INPP4B: variants seen among roughly 807,000 people sequenced by gnomAD.
The protein encoded by INPP4B is inositol polyphosphate 4-phosphatase type II.
Under a neutral mutation model 122.5 loss-of-function variants are expected in INPP4B, and 55 were observed. The observed-to-expected ratio is 0.45, with a 90% CI of 0.36 to 0.56. The LOEUF is 0.56. Ranked by LOEUF, INPP4B falls within the 20% of genes least tolerant of loss-of-function variation. The pLI, the probability that INPP4B is intolerant of heterozygous loss-of-function variation, is 0.00. For synonymous variants in INPP4B, 403 were observed against 388.7 expected (o/e 1.04, Z -0.43); for missense variants, 1,000 against 1,097.7 (o/e 0.91, Z 1.26).
chr4:142,130,714 G>A (rs1186843326), intron 18 of INPP4B, among the ~76,000 whole-genome samples: 1 of 152,148 alleles, frequency 6.6e-6, no homozygotes, highest in Non-Finnish European at 1.5e-5. Flanking sequence ...TCAGTGTAAT[G>A]TCCACTGAAC....
rs1028146878 is a variant in INPP4B, at chr4:142,238,630, A to G, written c.689-619T>C. Among the ~76,000 whole-genome samples, 8 of 152,138 alleles carry G rather than the reference A, an allele frequency of 5.3e-5. 1 individual carries two copies. Among genetic ancestry groups the G allele is most frequent in the African/African-American group, 1.9e-4 (8 of 41,466 alleles). On this transcript the variant is annotated intron_variant, in intron 11 of 25. Coordinates refer to ENST00000262992, the MANE Select transcript of INPP4B (RefSeq NM_001101669.3). ...AGCATACTTTAGTGCCAATGAGTCA[A>G]TAACACACTTTTCTGAAACCATGTA...
chr4:142,234,547 T>A lies in INPP4B; in HGVS notation c.836+3317A>T, dbSNP rs571799364. ...CCCTTTGAGTCTCCAGGAAGAATTT[T>A]AAAAATCTCCTTTTCGTTATAAAAT... On this transcript the variant is annotated intron_variant, in intron 12 of 25. Coordinates refer to ENST00000262992, the MANE Select transcript of INPP4B (RefSeq NM_001101669.3). Among the ~76,000 whole-genome samples, 10 of 152,302 alleles carry A rather than the reference T, an allele frequency of 6.6e-5. No homozygotes were observed. The East Asian group carries it at 1.5e-3, about 24-fold the overall frequency.
At chr4:142,080,585 A>G (rs1561047970) in intron 25 of INPP4B, among the ~76,000 whole-genome samples, 5 of 152,146 alleles carry the variant, frequency 3.3e-5, no homozygotes, top group Non-Finnish European at 7.4e-5. Context: ...TGTCCATCAT[A>G]GGCAATACCA....
Position 142,546,557 on chromosome 4 carries a change from T to C in INPP4B, c.-190-83831A>G, listed in dbSNP as rs1829669859. ...GAATCCCAGGTTCTTTGTCTTGATA[T>C]GCCACTAATAAGTTAGGAGAATTAT... On this transcript the variant is annotated intron_variant, in intron 2 of 25. Coordinates refer to ENST00000262992, the MANE Select transcript of INPP4B (RefSeq NM_001101669.3). 2.6e-5 allele frequency among the ~76,000 whole-genome samples: 4 copies of C among 152,150 alleles called. No individual in the cohort carries two copies. The South Asian group carries it at 8.3e-4, about 32-fold the overall frequency.
At chr4:142,291,314 T>C (rs961983669) in intron 9 of INPP4B, among the ~76,000 whole-genome samples, 1 of 152,202 alleles carries the variant, frequency 6.6e-6, no homozygotes, top group Non-Finnish European at 1.5e-5. Context: ...AGAGATGACA[T>C]AATTGACGTA....
chr4:142,352,094 T>C (rs1782090396), intron 7 of INPP4B, among the ~76,000 whole-genome samples: 1 of 151,942 alleles, frequency 6.6e-6, no homozygotes, highest in South Asian at 2.1e-4. Flanking sequence ...TTTCCAGACA[T>C]GAGCTTTCTT....
chr4:142,237,898 A>G lies in INPP4B; in HGVS notation c.802T>C (p.Leu268=), dbSNP rs201959514. ...TCTTCTTTAATGTGAAGGGAAATCA[A>G]TTCCTTAGGAATATGAAAGGAAAGA... is the stretch of plus-strand genomic sequence containing the variant. ...SILSFHIPKE[L]ISLHIKEDLC... The change falls in exon 12 of 26, where the codon TTG becomes CTG. Residue 268 remains leucine, a synonymous_variant. Transcript: ENST00000262992. 1.1e-4 allele frequency: 176 copies of G among 1,574,998 alleles called. No individual in the cohort carries two copies. Among genetic ancestry groups the G allele is most frequent in the Non-Finnish European group, 1.4e-4 (161 of 1,149,552 alleles).
At chr4:142,095,332 G>A (rs1781357950) in intron 23 of INPP4B, among the ~76,000 whole-genome samples, 1 of 152,178 alleles carries the variant, frequency 6.6e-6, no homozygotes, top group Admixed American at 6.5e-5. Context: ...ATGCCAAATA[G>A]CTGAGTGAAT....
chr4:142,525,097 GACAA>G (rs1343319425), intron 2 of INPP4B, among the ~76,000 whole-genome samples: 1 of 149,886 alleles, frequency 6.7e-6, no homozygotes, highest in Non-Finnish European at 1.5e-5. Flanking sequence ...ACCAATAACA[GACAA>G]ACAGAGAGCC....
chr4:142,692,936 T>TAGATAGAC (rs934213027), intron 2 of INPP4B, among the ~76,000 whole-genome samples: 8 of 150,162 alleles, frequency 5.3e-5, no homozygotes, highest in African/African-American at 2.0e-4. Context: ...GATAGATAGA[T>TAGATAGAC]ACATAGATAC....
chr4:142,759,631 A>C (rs1485800120), intron 1 of INPP4B, among the ~76,000 whole-genome samples: 1 of 151,956 alleles, frequency 6.6e-6, no homozygotes, highest in Non-Finnish European at 1.5e-5. Flanking sequence ...CTAAGTTCTA[A>C]AATTCACTCC....
At chr4:142,111,061 CAAAT>C (rs1276816234) in intron 22 of INPP4B, among the ~76,000 whole-genome samples, 1 of 151,966 alleles carries the variant, frequency 6.6e-6, no homozygotes, top group Non-Finnish European at 1.5e-5. Flanking sequence ...TTTGCTGAGA[CAAAT>C]ATATATATAG....
intron 15 of INPP4B, among the ~76,000 whole-genome samples, chr4:142,177,759 T>C (rs1384906239): frequency 6.6e-6 from 1 of 152,152 alleles, no homozygotes; most frequent in East Asian, 1.9e-4. Flanking sequence ...TGTCATATTT[T>C]GGAGATGTGA....
At chr4:142,087,759 A>G (rs1777542977) in intron 23 of INPP4B, among the ~76,000 whole-genome samples, 1 of 152,212 alleles carries the variant, frequency 6.6e-6, no homozygotes, top group Non-Finnish European at 1.5e-5. Context: ...AAAATAATAT[A>G]TCTGAATAGT....
intron 2 of INPP4B, among the ~76,000 whole-genome samples, chr4:142,707,616 C>T (rs1397292459): frequency 6.6e-6 from 1 of 152,238 alleles, no homozygotes; most frequent in Admixed American, 6.5e-5. Context: ...TACCTCCTTC[C>T]TCTTGGCCTT....
intron 2 of INPP4B, among the ~76,000 whole-genome samples, chr4:142,594,296 A>G (rs1738198907): frequency 6.6e-6 from 1 of 152,152 alleles, no homozygotes; most frequent in African/African-American, 2.4e-5. Flanking sequence ...ACTGAGGCAA[A>G]GTAAAGAACA....
At chr4:142,115,418 T>A (rs1384231383) in intron 21 of INPP4B, among the ~76,000 whole-genome samples, 2 of 152,086 alleles carry the variant, frequency 1.3e-5, no homozygotes, top group East Asian at 1.9e-4. Flanking sequence ...AGAGAAAGAT[T>A]GGGTTACCCA....
chr4:142,682,775 A>G (rs1328935952), intron 2 of INPP4B, among the ~76,000 whole-genome samples: 1 of 151,980 alleles, frequency 6.6e-6, no homozygotes, highest in African/African-American at 2.4e-5. Flanking sequence ...ATCCTCAAAA[A>G]GAAGAGTATT....
chr4:142,652,041 C>T (rs1753083613), intron 2 of INPP4B, among the ~76,000 whole-genome samples: 1 of 152,188 alleles, frequency 6.6e-6, no homozygotes, highest in East Asian at 1.9e-4. Flanking sequence ...TCAGCTTCAT[C>T]CCTGGTATCC....
Sources: gnomAD v4.1 joint callset for allele counts (sites outside exome capture counted in the v4.1 genomes callset) on GRCh38, gnomAD v4.1.1 for gene constraint, MANE v1.5 for transcripts, NCBI Gene and HGNC (gene_info 2026-07-23, HGNC 2026-07-21) for gene names.